Variants in PFKP observed in about 807,000 individuals in gnomAD.
The protein encoded by PFKP is phosphofructokinase, platelet.
A neutral mutation model predicts 94.3 loss-of-function variants in PFKP; 101 were observed. The observed-to-expected ratio is 1.07, with a 90% CI of 0.91 to 1.26. PFKP has a LOEUF of 1.26. PFKP is among the 50% of genes most tolerant of loss of function. The pLI is 0.00. For missense variants in PFKP, 1,145 were observed against 1,103.3 expected (o/e 1.04, Z -0.53); for synonymous variants, 573 against 432.6 (o/e 1.32, Z -4.03).
At chr10:3,099,449 TAG>T (rs1321307078) in intron 3 of PFKP, 97 bp downstream of exon 3, 3 of 946,920 alleles carry the variant, frequency 3.2e-6, no homozygotes, top group Non-Finnish European at 5.1e-6. Context: ...AGTTGCGAAA[TAG>T]AGATTATGTG....
chr10:3,095,264 C>A (rs1474769708), intron 2 of PFKP, among the ~76,000 whole-genome samples: 3 of 152,048 alleles, frequency 2.0e-5, no homozygotes, highest in Non-Finnish European at 4.4e-5. Flanking sequence ...CATAGGTGAA[C>A]TAGCTTACTC....
At chr10:3,130,088 A>C in intron 17 of PFKP, 105 bp downstream of exon 17, 1 of 1,011,930 alleles carries the variant, frequency 9.9e-7, no homozygotes, top group Non-Finnish European at 1.4e-6. Context: ...GGGCATGGAG[A>C]TGGAGATGCT....
At chr10:3,099,417 C>A in intron 3 of PFKP, 65 bp downstream of exon 3, 1 of 1,264,758 alleles carries the variant, frequency 7.9e-7, no homozygotes, top group Non-Finnish European at 1.2e-6. Flanking sequence ...TAGTAAATTC[C>A]CAGAACACTT....
At chr10:3,088,210 T>C (rs1833775375) in intron 2 of PFKP, among the ~76,000 whole-genome samples, 4 of 145,088 alleles carry the variant, frequency 2.8e-5, no homozygotes. Flanking sequence ...GTGTTCTCAT[T>C]GTTCAATTCC....
At chr10:3,082,490 C>G in intron 2 of PFKP, 29 bp downstream of exon 2, 1 of 1,557,934 alleles carries the variant, frequency 6.4e-7, no homozygotes, top group Admixed American at 1.7e-5. Flanking sequence ...CCCCCTGTCG[C>G]CCTTCTTCCA....
At position 3,136,780 on chromosome 10, in the gene PFKP, TA is replaced by T. The variant is rs869178662; in HGVS notation, c.*204del. The T allele has an allele frequency of 1.9e-5, 9 of 482,324 alleles. No homozygotes were observed. The South Asian group carries it at 2.2e-4, about 12-fold the overall frequency. 29.9% of individuals were successfully genotyped at this position (482,324 alleles called of 1,614,324 possible). A position where few individuals can be genotyped will look rare whatever the true frequency, so the allele number is the denominator to read the frequency against. On this transcript the variant is annotated 3_prime_UTR_variant, in exon 22 of 22. Coordinates refer to ENST00000381125, the MANE Select transcript of PFKP (RefSeq NM_002627.5). ...AGATGTGCATATGAGCAGAATTAAT[TA>T]AACATTTGCCTATGACTCCAACAGT...
At chr10:3,128,797 T>A (rs1274826297) in intron 16 of PFKP, among the ~76,000 whole-genome samples, 2 of 152,040 alleles carry the variant, frequency 1.3e-5, no homozygotes, top group Non-Finnish European at 2.9e-5. Flanking sequence ...TTCCAGGGAT[T>A]AGGGATAGGA....
intron 1 of PFKP, chr10:3,068,813 G>C (rs1023164633): frequency 3.8e-6 from 2 of 527,128 alleles, no homozygotes; most frequent in Non-Finnish European, 4.9e-6. Context: ...GACGCGGCGC[G>C]CCCCGAGCTG....
chr10:3,126,583 C>A (rs1051300695), intron 16 of PFKP, among the ~76,000 whole-genome samples: 1 of 152,238 alleles, frequency 6.6e-6, no homozygotes, highest in Non-Finnish European at 1.5e-5. Context: ...CGTCTGGCCA[C>A]CGACTTCAGC....
chr10:3,113,330 G>T (rs371830006), intron 12 of PFKP, 42 bp from the exon 13 acceptor site: 1 of 1,576,180 alleles, frequency 6.3e-7, no homozygotes, highest in Non-Finnish European at 8.6e-7. Context: ...TGGAGCTCAC[G>T]TGTGCCCGTG....
At chr10:3,128,717 A>G (rs371582742) in intron 16 of PFKP, among the ~76,000 whole-genome samples, 4 of 152,190 alleles carry the variant, frequency 2.6e-5, no homozygotes, top group Admixed American at 1.3e-4. Flanking sequence ...GATGCAGGTG[A>G]TGGCATTTAA....
intron 13 of PFKP, 58 bp downstream of exon 13, chr10:3,113,576 G>T: frequency 6.6e-7 from 1 of 1,525,434 alleles, no homozygotes; most frequent in Non-Finnish European, 8.9e-7. Context: ...CACAGTGGAC[G>T]TGGCGGCGGG....
intron 8 of PFKP, 27 bp from the exon 9 acceptor site, chr10:3,108,674 G>T (rs768668532): frequency 3.8e-6 from 6 of 1,575,116 alleles, no homozygotes; most frequent in Admixed American, 1.7e-5. Context: ...TCACAGTTCC[G>T]CATCCTAACG....
intron 4 of PFKP, among the ~76,000 whole-genome samples, chr10:3,102,250 C>CAAAAAAAAAAAAAA (rs757381364): frequency 2.7e-4 from 15 of 54,774 alleles, no homozygotes; most frequent in Non-Finnish European, 4.1e-4. Context: ...GACTCTGTCT[C>CAAAAAAAAAAAAAA]AAAAAAAAAA....
Position 3,105,287 on chromosome 10 carries a change from C to T in PFKP, c.666-106C>T, listed in dbSNP as rs1365072128. 9 of 1,297,820 alleles carry T rather than the reference C, an allele frequency of 6.9e-6. No individual in the cohort carries two copies. In the African/African-American group the frequency reaches 1.0e-4, roughly 15 times the overall value. The allele number at this position is 1,297,820 out of a possible 1,614,324, so 80.4% of individuals were successfully genotyped here. On this transcript the variant is annotated intron_variant, in intron 6 of 21. Coordinates refer to ENST00000381125, the MANE Select transcript of PFKP (RefSeq NM_002627.5). ...TCCTGAAGGGGCCGGCATCCCGCTT[C>T]ATACCTGGCGTTAGGTCTGCACGTC...
intron 1 of PFKP, chr10:3,068,820 G>C: frequency 2.0e-6 from 1 of 495,376 alleles, no homozygotes. Context: ...CGCGCCCCGA[G>C]CTGGGTTTTG....
At chr10:3,098,053 G>C (rs1834637396) in intron 2 of PFKP, among the ~76,000 whole-genome samples, 1 of 152,088 alleles carries the variant, frequency 6.6e-6, no homozygotes, top group Admixed American at 6.5e-5. Context: ...AATATTTCTG[G>C]TAGAAATTTA....
intron 1 of PFKP, among the ~76,000 whole-genome samples, chr10:3,077,665 T>G (rs72778560): frequency 0.25 from 37,901 of 152,048 alleles, 5,205 homozygotes; most frequent in East Asian, 0.39. Context: ...CTCCTCCAAG[T>G]AGCCAGGAAA....
chr10:3,107,774 C>A, intron 8 of PFKP: 1 of 1,194,758 alleles, frequency 8.4e-7, no homozygotes, highest in Non-Finnish European at 1.1e-6. Context: ...TCCTCGTGGC[C>A]CTGCCTGGGA....
Sources: allele counts gnomAD v4.1 joint callset (sites outside exome capture counted in the v4.1 genomes callset), GRCh38; gene constraint gnomAD v4.1.1; transcripts MANE v1.5; gene names NCBI Gene and HGNC (gene_info 2026-07-23, HGNC 2026-07-21).